The following NDST2 variants were observed in gnomAD, a reference collection of about 807,000 sequenced individuals.
NDST2 encodes the protein bifunctional heparan sulfate N-deacetylase/N-sulfotransferase 2.
NDST2 carries 32 observed loss-of-function variants against 86.9 expected under a neutral mutation model. The ratio of observed to expected loss-of-function variants is 0.37; its 90% CI spans 0.28 to 0.49. NDST2 has a LOEUF of 0.49. Among genes scored for constraint, NDST2 ranks in the 20% least tolerant of loss-of-function variants. The pLI, the probability that NDST2 is intolerant of heterozygous loss-of-function variation, is 0.97. For synonymous variants in NDST2, 409 were observed against 437.0 expected (o/e 0.94, Z 0.80); for missense variants, 950 against 1,146.9 (o/e 0.83, Z 2.48).
In NDST2 at chr10:73,808,003, T is replaced by C; in HGVS notation, c.386A>G (p.Asp129Gly). ...PGRGDMPTLTDNTHGRYVLVI... is the reference protein window; with the variant it reads ...PGRGDMPTLTGNTHGRYVLVI... ...CAAGACATAGCGGCCATGGGTATTATCAGTCAATGTGGGCATGTCCCCTCG... is the reference window on the plus strand; with the variant it reads ...CAAGACATAGCGGCCATGGGTATTACCAGTCAATGTGGGCATGTCCCCTCG... Residue 129 changes from aspartate to glycine, a missense_variant, in exon 3 of 15, where the codon GAT (aspartate) becomes GGT (glycine). Asp to Gly is a moderately conservative substitution (Grantham distance 94). This residue lies in a region of NDST2 where 586 missense variants were observed against 714.0 expected (regional missense o/e 0.82). Transcript: ENST00000309979. This position sits in a 1 kb window ranked among gnomAD's most constrained non-coding sequence, Gnocchi z 4.3. 1 of 1,614,238 alleles carries C rather than the reference T, an allele frequency of 6.2e-7. No homozygotes were observed. The highest frequency in any genetic ancestry group is 8.5e-7 in the Non-Finnish European group (1 of 1,180,046).
At position 73,808,558 on chromosome 10, in the gene NDST2, T is replaced by C. The variant is rs2084148165; in HGVS notation, c.-170A>G. ...GGAGACGAGTCCCCTTAGCATAGGG[T>C]AGGGGAGGTAGAAGGGGAAGCAGGG... On this transcript the variant is annotated 5_prime_UTR_variant, in exon 3 of 15. Coordinates refer to ENST00000309979, the MANE Select transcript of NDST2 (RefSeq NM_003635.4). The surrounding 1 kb of genome is among the most constrained non-coding windows in gnomAD (Gnocchi z 4.3). 2.0e-5 allele frequency: 12 copies of C among 601,006 alleles called. No homozygotes were observed. The highest frequency in any genetic ancestry group is 3.4e-5 in the Non-Finnish European group (12 of 348,040). The allele number at this position is 601,006 out of a possible 1,614,324, so 37.2% of individuals were successfully genotyped here.
Position 73,803,904 on chromosome 10 carries a change from C to G in NDST2, c.1956G>C (p.Lys652Asn). 1.2e-6 allele frequency: 2 copies of G among 1,614,126 alleles called. No individual in the cohort carries two copies. Among genetic ancestry groups the G allele is most frequent in the Non-Finnish European group, 1.7e-6 (2 of 1,180,028 alleles). ...GGGCCCAGTCTCACCAGTCAATACC[C>G]TTGTGGTAATTAGGGCTGTTGAAGA... ...IQFFNSPNYH[K>N]GIDWYMDFFP... Residue 652 changes from lysine (K) to asparagine (N), a missense_variant, in exon 10 of 15, where the codon AAG becomes AAC. Physicochemically the swap from Lys to Asn is moderately conservative, Grantham distance 94 (BLOSUM62 0). Around this residue, in one of 5 missense-constraint regions of NDST2, gnomAD observed 303 missense variants for 323.7 expected, o/e 0.94. Coordinates refer to ENST00000309979, the MANE Select transcript of NDST2 (RefSeq NM_003635.4).
chr10:73,806,331 G>A lies in NDST2; in HGVS notation c.1392C>T (p.Arg464=), dbSNP rs780355118. 1.1e-5 allele frequency: 18 copies of A among 1,614,036 alleles called. No individual in the cohort carries two copies. The East Asian group carries it at 2.0e-4, about 18-fold the overall frequency. Residue 464 remains arginine (R), a synonymous_variant, in exon 6 of 15, where the codon CGC becomes CGT. Transcript: ENST00000309979. This position sits in a 1 kb window ranked among gnomAD's most constrained non-coding sequence, Gnocchi z 4.5. ...TGAAGCCACGGCGGTAGCGGGCAGG[G>A]CGGAGATGGGGATACTCCTCAGTGC... The part of the protein sequence containing the change: ...VTSTEEYPHL[R]PARYRRGFIH...
At chr10:73,811,206 A>C (rs1055764184) in intron 1 of NDST2, among the ~76,000 whole-genome samples, 1 of 152,070 alleles carries the variant, frequency 6.6e-6, no homozygotes, top group African/African-American at 2.4e-5. Flanking sequence ...CCAAAGGGGA[A>C]GGGGCCACAG....
chr10:73,802,584 G>A lies in NDST2; in HGVS notation c.2527-8C>T. 1 of 1,614,174 alleles carries A rather than the reference G, an allele frequency of 6.2e-7. No individual in the cohort carries two copies. Among genetic ancestry groups the A allele is most frequent in the Non-Finnish European group, 8.5e-7 (1 of 1,180,026 alleles). ...CGTAAGGAAAAGACGGGACTGACAGGAGAAAATGAAGGCAGAAATGGTAAG... is the reference window on the plus strand; with the variant it reads ...CGTAAGGAAAAGACGGGACTGACAGAAGAAAATGAAGGCAGAAATGGTAAG... On this transcript the variant is annotated splice_polypyrimidine_tract_variant and splice_region_variant and intron_variant, in intron 14 of 14. Coordinates refer to ENST00000309979, the MANE Select transcript of NDST2 (RefSeq NM_003635.4).
In NDST2 at chr10:73,806,057, T is replaced by A; in HGVS notation, c.1435-29A>T. On this transcript the variant is annotated intron_variant, in intron 6 of 14. Transcript: ENST00000309979. This position sits in a 1 kb window ranked among gnomAD's most constrained non-coding sequence, Gnocchi z 4.5. ...GAGGGAAAAGAAAAAACAGATGAGATTTGAAAGATAGAATGAGAAGTAGAT... is the reference window on the plus strand; with the variant it reads ...GAGGGAAAAGAAAAAACAGATGAGAATTGAAAGATAGAATGAGAAGTAGAT... 6.2e-7 allele frequency: 1 copy of A among 1,610,634 alleles called. No homozygotes were observed. Among genetic ancestry groups the A allele is most frequent in the Non-Finnish European group, 8.5e-7 (1 of 1,178,678 alleles).
chr10:73,803,931 C>T lies in NDST2; in HGVS notation c.1929G>A (p.Gln643=). ...TGTGGTAATTAGGGCTGTTGAAGAACTGAATCTCCTCAAATGTGCTGGGGC... is the reference window on the plus strand; with the variant it reads ...TGTGGTAATTAGGGCTGTTGAAGAATTGAATCTCCTCAAATGTGCTGGGGC... ...FPSPSTFEEI[Q]FFNSPNYHKG... is the part of the protein sequence containing the mutation. The change falls in exon 10 of 15, where the codon CAG becomes CAA. Residue 643 remains glutamine (Q), a synonymous_variant. Coordinates refer to ENST00000309979, the MANE Select transcript of NDST2 (RefSeq NM_003635.4). The T allele has an allele frequency of 6.2e-7, 1 of 1,614,148 alleles. No individual in the cohort carries two copies. Among genetic ancestry groups the T allele is most frequent in the Non-Finnish European group, 8.5e-7 (1 of 1,180,038 alleles).
Position 73,802,299 on chromosome 10 carries a change from G to T in NDST2, c.*152C>A. The T allele has an allele frequency of 1.3e-6, 1 of 764,926 alleles. No homozygotes were observed. The highest frequency in any genetic ancestry group is 2.1e-6 in the Non-Finnish European group (1 of 482,170). 47.4% of individuals were successfully genotyped at this position (764,926 alleles called of 1,614,324 possible). A position where few individuals can be genotyped will look rare whatever the true frequency, so the allele number is the denominator to read the frequency against. ...TATTTGTCCCAGAACTGTGGGAAAA[G>T]GATACCCTTCCCTTCTCAGCCATCT... On this transcript the variant is annotated 3_prime_UTR_variant, in exon 15 of 15. Coordinates refer to ENST00000309979, the MANE Select transcript of NDST2 (RefSeq NM_003635.4).
Position 73,806,151 on chromosome 10 carries a change from A to AAATT in NDST2, c.1435-124_1435-123insAATT, listed in dbSNP as rs1417246309. 6.5e-7 allele frequency: 1 copy of AAATT among 1,533,944 alleles called. No homozygotes were observed. The highest frequency in any genetic ancestry group is 2.3e-5 in the East Asian group (1 of 44,274). On this transcript the variant is annotated intron_variant, in intron 6 of 14. Coordinates refer to ENST00000309979, the MANE Select transcript of NDST2 (RefSeq NM_003635.4). This position sits in a 1 kb window ranked among gnomAD's most constrained non-coding sequence, Gnocchi z 4.5. ...CAATAAAGCTCTTACTGAGGGTGTT[A>AAATT]AAATTTTTTCACCTTTCTACCCCCA...
chr10:73,811,346 G>A (rs1192493495), intron 1 of NDST2, 128 bp downstream of exon 1: 1 of 153,472 alleles, frequency 6.5e-6, no homozygotes, highest in Non-Finnish European at 1.4e-5. Context: ...GAAAGGACCC[G>A]GGGCGCGGCG....
chr10:73,807,514 A>G lies in NDST2; in HGVS notation c.875T>C (p.Ile292Thr), dbSNP rs758422899. The G allele has an allele frequency of 9.3e-6, 15 of 1,614,072 alleles. No homozygotes were observed. Among genetic ancestry groups the G allele is most frequent in the African/African-American group, 5.3e-5 (4 of 74,918 alleles). ...GAGGTATGCAACAGCATCAACGAAG[A>G]TAAGTTTGTGGAGCCAGAAGGAAAG... is the stretch of plus-strand genomic sequence containing the variant. ...HGLSFWLHKL[I>T]FVDAVAYLTG... The change falls in exon 3 of 15, where the codon ATC (isoleucine) becomes ACC (threonine). Residue 292 changes from isoleucine (I) to threonine (T), a missense_variant. Physicochemically the swap from Ile to Thr is moderately conservative, Grantham distance 89. Around this residue, in one of 5 missense-constraint regions of NDST2, gnomAD observed 586 missense variants for 714.0 expected, o/e 0.82. Coordinates refer to ENST00000309979, the MANE Select transcript of NDST2 (RefSeq NM_003635.4).
intron 11 of NDST2, 57 bp downstream of exon 11, chr10:73,803,517 T>TGGGGGGGGGGCGG: frequency 8.4e-7 from 1 of 1,189,314 alleles, no homozygotes; most frequent in Non-Finnish European, 1.2e-6. Context: ...TAGCAGTCAC[T>TGGGGGGGGGGCGG]GTCCCCTCCC....
intron 11 of NDST2, 103 bp downstream of exon 11, chr10:73,803,471 G>A: frequency 6.5e-7 from 1 of 1,543,816 alleles, no homozygotes; most frequent in Non-Finnish European, 8.9e-7. Context: ...CAAGGCACTA[G>A]TTAAGTTTCT....
chr10:73,803,159 C>A, intron 12 of NDST2, 30 bp downstream of exon 12: 2 of 1,613,816 alleles, frequency 1.2e-6, no homozygotes, highest in Non-Finnish European at 1.7e-6. Context: ...GGAAGGGGAA[C>A]CCCACTGAGG....
chr10:73,805,807 ACCCC>A (rs780998848), intron 7 of NDST2, 38 bp from the exon 8 acceptor site: 2 of 1,613,216 alleles, frequency 1.2e-6, no homozygotes. Flanking sequence ...TGGAGAGCCT[ACCCC>A]ACCTCTGAAT....
At chr10:73,810,453 AG>A (rs1457795556) in intron 2 of NDST2, among the ~76,000 whole-genome samples, 1 of 151,976 alleles carries the variant, frequency 6.6e-6, no homozygotes, top group Admixed American at 6.6e-5. Context: ...GCTAGACTCC[AG>A]CTCAAAAAAA....
chr10:73,806,108 C>A lies in NDST2; in HGVS notation c.1435-80G>T. ...GGAGGACACTGGGATTTATAGAGGACTGAGTCTGAAGTTATAGCAATAAAG... is the reference window on the plus strand; with the variant it reads ...GGAGGACACTGGGATTTATAGAGGAATGAGTCTGAAGTTATAGCAATAAAG... On this transcript the variant is annotated intron_variant, in intron 6 of 14. Coordinates refer to ENST00000309979, the MANE Select transcript of NDST2 (RefSeq NM_003635.4). The surrounding 1 kb of genome is among the most constrained non-coding windows in gnomAD (Gnocchi z 4.5). 6.4e-7 allele frequency: 1 copy of A among 1,573,814 alleles called. No homozygotes were observed. Among genetic ancestry groups the A allele is most frequent in the South Asian group, 1.2e-5 (1 of 86,938 alleles).
chr10:73,806,539 G>A lies in NDST2; in HGVS notation c.1249-65C>T. The A allele has an allele frequency of 1.3e-6, 2 of 1,549,660 alleles. No homozygotes were observed. The highest frequency in any genetic ancestry group is 1.8e-6 in the Non-Finnish European group (2 of 1,142,278). On this transcript the variant is annotated intron_variant, in intron 5 of 14. Transcript: ENST00000309979. This position sits in a 1 kb window ranked among gnomAD's most constrained non-coding sequence, Gnocchi z 4.5. ...TTGGGGAGTAGAGGGTAAAGAGGGTGGGGAAGCCTCCAAATAAAGAAAAAC... is the reference window on the plus strand; with the variant it reads ...TTGGGGAGTAGAGGGTAAAGAGGGTAGGGAAGCCTCCAAATAAAGAAAAAC...
intron 2 of NDST2, 67 bp downstream of exon 2, chr10:73,810,732 G>C (rs1368084994): frequency 2.5e-6 from 1 of 398,092 alleles, no homozygotes; most frequent in African/African-American, 2.1e-5. Flanking sequence ...AGCCCTAAGA[G>C]GTAGGGAAAA....
Sources: gnomAD v4.1 joint callset for allele counts (sites outside exome capture counted in the v4.1 genomes callset) on GRCh38, gnomAD v4.1.1 for gene constraint, gnomAD v4.1.1 regional missense constraint, Gnocchi (gnomAD v3.1) non-coding constraint, MANE v1.5 for transcripts, NCBI Gene and HGNC (gene_info 2026-07-23, HGNC 2026-07-21) for gene names.